KAZN: variants seen among roughly 807,000 people sequenced by gnomAD.
The protein encoded by KAZN is kazrin, periplakin interacting protein, also known as kazrin.
KAZN carries 40 observed loss-of-function variants against 87.4 expected under a neutral mutation model. The observed-to-expected ratio is 0.46, with a 90% CI of 0.36 to 0.60. The LOEUF is 0.60. KAZN is among the 20% of genes least tolerant of loss of function. The pLI is 0.00. For missense variants in KAZN, 898 were observed against 1,073.9 expected, an observed-to-expected ratio of 0.84 and a Z score of 2.29; for synonymous variants, 466 against 458.3, an observed-to-expected ratio of 1.02 and a Z score of -0.22.
chr1:14,465,128 G>A (rs115240294), intron 2 of KAZN, among the ~76,000 whole-genome samples: 59,420 of 151,498 alleles, frequency 0.39, 12,163 homozygotes, highest in East Asian at 0.51. Context: ...AGCCAGGTGT[G>A]GTGGCTCATG....
chr1:14,193,482 GC>G (rs1570981880), intron 2 of KAZN, among the ~76,000 whole-genome samples: 1 of 152,080 alleles, frequency 6.6e-6, no homozygotes, highest in East Asian at 1.9e-4. Flanking sequence ...CTCCCTTAGA[GC>G]CTTTAAAAGG....
At chr1:14,733,998 TGCCCTTC>T (rs1398102968) in intron 1 of KAZN, among the ~76,000 whole-genome samples, 1 of 152,162 alleles carries the variant, frequency 6.6e-6, no homozygotes, top group Non-Finnish European at 1.5e-5. Context: ...CTGCCCAGGA[TGCCCTTC>T]ATCTGGATAT....
At chr1:14,776,283 C>T (rs966879796) in intron 1 of KAZN, among the ~76,000 whole-genome samples, 2 of 152,162 alleles carry the variant, frequency 1.3e-5, no homozygotes, top group Non-Finnish European at 2.9e-5. Flanking sequence ...GGATTACAGG[C>T]GTGAGCCACT....
intron 1 of KAZN, among the ~76,000 whole-genome samples, chr1:14,117,634 T>C (rs1292209525): frequency 2.0e-5 from 3 of 152,130 alleles, no homozygotes; most frequent in East Asian, 1.9e-4. Flanking sequence ...AAAGGAAAGA[T>C]GGGCCCCTTC....
intron 1 of KAZN, among the ~76,000 whole-genome samples, chr1:14,797,496 G>C (rs1369662591): frequency 6.6e-6 from 1 of 152,214 alleles, no homozygotes; most frequent in African/African-American, 2.4e-5. Flanking sequence ...TAGAAAGTGT[G>C]TTGGAACCAA....
chr1:14,304,942 GTTT>G lies in KAZN; in HGVS notation c.249+124363_249+124365del, dbSNP rs35013885. ...CATGATTGCTCTGCAGCCAAAGCTA[GTTT>G]TTTTTTTTTTTTAATTTTAAATAAG... On this transcript the variant is annotated intron_variant, in intron 2 of 16. Coordinates refer to the KAZN transcript ENST00000636203. 1.1e-3 allele frequency among the ~76,000 whole-genome samples: 159 copies of G among 144,604 alleles called. 1 individual carries two copies. Among genetic ancestry groups the G allele is most frequent in the African/African-American group, 3.6e-3 (145 of 40,062 alleles). 94.9% of individuals were successfully genotyped at this position (144,604 alleles called of 152,430 possible). A position where few individuals can be genotyped will look rare whatever the true frequency, so the allele number is the denominator to read the frequency against.
chr1:14,322,944 C>G (rs1433376940), intron 2 of KAZN, among the ~76,000 whole-genome samples: 1 of 152,180 alleles, frequency 6.6e-6, no homozygotes, highest in Non-Finnish European at 1.5e-5. Flanking sequence ...AGGAAACTTA[C>G]AATCATGGCA....
chr1:15,063,750 G>C (rs1040782926), intron 7 of KAZN, 128 bp downstream of exon 7: 1 of 767,910 alleles, frequency 1.3e-6, no homozygotes, highest in African/African-American at 1.7e-5. Context: ...TGCCACTTCC[G>C]CTGAGCCCAC....
At chr1:14,431,016 C>T (rs1365116839) in intron 2 of KAZN, among the ~76,000 whole-genome samples, 1 of 152,200 alleles carries the variant, frequency 6.6e-6, no homozygotes, top group Non-Finnish European at 1.5e-5. Context: ...TGTCCCTTTT[C>T]TCTGGAGAAG....
At chr1:14,854,294 T>A (rs1211769381) in intron 1 of KAZN, among the ~76,000 whole-genome samples, 2 of 152,240 alleles carry the variant, frequency 1.3e-5, no homozygotes, top group Admixed American at 6.5e-5. Flanking sequence ...GAGTGCCTCG[T>A]GTTTTATGGA....
chr1:14,796,342 T>A (rs550883450), intron 1 of KAZN, among the ~76,000 whole-genome samples: 2 of 152,294 alleles, frequency 1.3e-5, no homozygotes, highest in African/African-American at 2.4e-5. Context: ...TCAAGGCCCA[T>A]GTCTTAGTGA....
chr1:14,102,602 T>G (rs1644281965), intron 1 of KAZN, among the ~76,000 whole-genome samples: 1 of 152,154 alleles, frequency 6.6e-6, no homozygotes, highest in Non-Finnish European at 1.5e-5. Context: ...CACAGTCCCT[T>G]TTTGCAGCTC....
intron 1 of KAZN, among the ~76,000 whole-genome samples, chr1:14,165,254 C>T (rs937086336): frequency 6.6e-6 from 1 of 151,816 alleles, no homozygotes; most frequent in African/African-American, 2.4e-5. Flanking sequence ...TTGTCATGCT[C>T]TCATAGGTCA....
chr1:15,018,999 G>A (rs535876950), intron 2 of KAZN, among the ~76,000 whole-genome samples: 1 of 152,328 alleles, frequency 6.6e-6, no homozygotes, highest in East Asian at 1.9e-4. Context: ...AAGGCACATG[G>A]CGGGCGGGAG....
At chr1:14,459,729 C>T (rs560570821) in intron 2 of KAZN, among the ~76,000 whole-genome samples, 57 of 152,112 alleles carry the variant, frequency 3.7e-4, no homozygotes, top group African/African-American at 1.3e-3. Context: ...TTCTAACCTC[C>T]GAGGGCAAAC....
At chr1:14,252,948 G>T (rs2100619736) in intron 2 of KAZN, among the ~76,000 whole-genome samples, 1 of 152,226 alleles carries the variant, frequency 6.6e-6, no homozygotes, top group South Asian at 2.1e-4. Flanking sequence ...TCAACTGGCA[G>T]TTGAGAGAAG....
chr1:14,388,056 G>C (rs1445056917), intron 2 of KAZN, among the ~76,000 whole-genome samples: 2 of 152,168 alleles, frequency 1.3e-5, no homozygotes, highest in South Asian at 2.1e-4. Flanking sequence ...CGCAGTATTC[G>C]GGTGGGAGTG....
chr1:14,897,624 C>CA (rs35986209), intron 1 of KAZN, among the ~76,000 whole-genome samples: 9 of 150,744 alleles, frequency 6.0e-5, no homozygotes, highest in South Asian at 2.1e-4. Context: ...CTTTCCAAAG[C>CA]AAAAAAAAAA....
At chr1:14,804,787 G>T (rs201268613) in intron 1 of KAZN, among the ~76,000 whole-genome samples, 14 of 120,792 alleles carry the variant, frequency 1.2e-4, no homozygotes, top group African/African-American at 5.5e-4. Context: ...GGCAGATCAA[G>T]ACGAGCTGTG....
Sources: allele counts gnomAD v4.1 joint callset (sites outside exome capture counted in the v4.1 genomes callset), GRCh38; gene constraint gnomAD v4.1.1; transcripts MANE v1.5; gene names NCBI Gene and HGNC (gene_info 2026-07-23, HGNC 2026-07-21).